Variants in PCAT7 observed in about 807,000 individuals in gnomAD.
PCAT7 encodes prostate cancer associated transcript 7, also known as prostate cancer associated transcript 7 (non-protein coding).
At chr9:94,563,324 TGGACA>T (rs1424756480) in intron 2 of PCAT7, 2 of 1,612,270 alleles carry the variant, frequency 1.2e-6, no homozygotes, top group Non-Finnish European at 1.7e-6. Context: ...GCACAGCCAG[TGGACA>T]AGGGAGAATT....
At chr9:94,564,074 T>C (rs1349759938) in intron 2 of PCAT7, among the ~76,000 whole-genome samples, 1 of 152,146 alleles carries the variant, frequency 6.6e-6, no homozygotes, top group East Asian at 1.9e-4. Flanking sequence ...CAGTAATCAC[T>C]GAAGCAGAAA....
intron 2 of PCAT7, among the ~76,000 whole-genome samples, chr9:94,561,240 G>A (rs906223282): frequency 1.8e-4 from 28 of 151,938 alleles, no homozygotes; most frequent in African/African-American, 6.8e-4. Context: ...TTGTCTTGGA[G>A]CCAAGTTACT....
intron 2 of PCAT7, chr9:94,559,287 A>G: frequency 4.6e-6 from 3 of 649,996 alleles, no homozygotes; most frequent in South Asian, 2.1e-5. Context: ...CGAGCTTTAG[A>G]GCCTACAGCA....
At chr9:94,572,009 G>A (rs1827275182) in intron 2 of PCAT7, among the ~76,000 whole-genome samples, 1 of 152,112 alleles carries the variant, frequency 6.6e-6, no homozygotes, top group Non-Finnish European at 1.5e-5. Context: ...TCACCTCCAT[G>A]GCTCAGAGGG....
At chr9:94,565,307 G>A (rs1273105430) in intron 2 of PCAT7, among the ~76,000 whole-genome samples, 3 of 147,644 alleles carry the variant, frequency 2.0e-5, no homozygotes, top group South Asian at 2.1e-4. Context: ...CCAGGGAGGC[G>A]GAGGTTGCAG....
chr9:94,563,119 A>C (rs1827133584), intron 2 of PCAT7, among the ~76,000 whole-genome samples: 1 of 152,232 alleles, frequency 6.6e-6, no homozygotes, highest in African/African-American at 2.4e-5. Flanking sequence ...GGGTAAGACC[A>C]GTGAGAATCA....
rs1174386595 is a variant in PCAT7, at chr9:94,561,352, A to ATTTTTTTTTTTTT, written n.441+2216_441+2228dup. Among the ~76,000 whole-genome samples, 21 of 54,988 alleles carry ATTTTTTTTTTTTT rather than the reference A, an allele frequency of 3.8e-4. 6 individuals carry two copies. Among genetic ancestry groups the ATTTTTTTTTTTTT allele is most frequent in the African/African-American group, 8.6e-4 (11 of 12,802 alleles). 36.1% of individuals were successfully genotyped at this position (54,988 alleles called of 152,430 possible). ...GCAGGCCATGTGACATGTGACCTGT[A>ATTTTTTTTTTTTT]TTTTTTTTTTTTTTTTTTTTTTTTT... On this transcript the variant is annotated intron_variant and non_coding_transcript_variant, in intron 2 of 8. Transcript: ENST00000647389.
intron 2 of PCAT7, among the ~76,000 whole-genome samples, chr9:94,566,610 C>T (rs1463219884): frequency 1.3e-5 from 2 of 152,214 alleles, no homozygotes; most frequent in Non-Finnish European, 2.9e-5. Context: ...CACTTCACAC[C>T]TCTATATTTC....
intron 2 of PCAT7, among the ~76,000 whole-genome samples, chr9:94,559,359 G>A (rs1313888331): frequency 1.3e-5 from 2 of 152,218 alleles, no homozygotes; most frequent in African/African-American, 4.8e-5. Flanking sequence ...CCAGGTGACT[G>A]AGCCATGTAT....
chr9:94,557,825 G>A (rs1021894898), intron 1 of PCAT7, among the ~76,000 whole-genome samples: 2 of 152,094 alleles, frequency 1.3e-5, no homozygotes, highest in Non-Finnish European at 2.9e-5. Flanking sequence ...TAGCCTCCAG[G>A]TCCATAGATA....
Position 94,569,857 on chromosome 9 carries a change from C to G in PCAT7, n.442-3122C>G, listed in dbSNP as rs1188508696. ...CAGCCCTGCAATCCCACAGACCTCACAGGCTCAGTTTGACCCACCAGGGAA... is the reference window on the plus strand; with the variant it reads ...CAGCCCTGCAATCCCACAGACCTCAGAGGCTCAGTTTGACCCACCAGGGAA... On this transcript the variant is annotated intron_variant and non_coding_transcript_variant, in intron 2 of 8. Transcript: ENST00000647389. 2.6e-5 allele frequency: 4 copies of G among 152,382 alleles called. No individual in the cohort carries two copies. The East Asian group carries it at 7.7e-4, about 29-fold the overall frequency. 9.4% of individuals were successfully genotyped at this position (152,382 alleles called of 1,614,324 possible). A position where few individuals can be genotyped will look rare whatever the true frequency, so the allele number is the denominator to read the frequency against.
chr9:94,556,136 G>A (rs1788401129), intron 1 of PCAT7, among the ~76,000 whole-genome samples: 1 of 150,954 alleles, frequency 6.6e-6, no homozygotes. Flanking sequence ...GAGGAAAACA[G>A]TTTTTGGGTA....
At chr9:94,568,506 A>G (rs1180057453) in intron 2 of PCAT7, 1 of 152,252 alleles carries the variant, frequency 6.6e-6, no homozygotes, top group Non-Finnish European at 1.5e-5. Flanking sequence ...CCTGGAAACC[A>G]GATCCATTTT....
chr9:94,561,056 G>A (rs1827091558), intron 2 of PCAT7, among the ~76,000 whole-genome samples: 1 of 152,044 alleles, frequency 6.6e-6, no homozygotes, highest in Non-Finnish European at 1.5e-5. Context: ...ATGCTGTCCA[G>A]GACAGTCTAG....
At chr9:94,570,343 C>T (rs1225348246) in intron 2 of PCAT7, 3 of 152,220 alleles carry the variant, frequency 2.0e-5, no homozygotes, top group African/African-American at 4.8e-5. Flanking sequence ...AGCATGACTC[C>T]TGACACCAGT....
intron 2 of PCAT7, among the ~76,000 whole-genome samples, chr9:94,566,864 TTTTAA>T (rs765586255): frequency 1.3e-5 from 2 of 152,232 alleles, no homozygotes; most frequent in Non-Finnish European, 2.9e-5. Flanking sequence ...TTCTAATCTC[TTTTAA>T]TTTCATTTTT....
chr9:94,564,365 G>C (rs926401834), intron 2 of PCAT7, among the ~76,000 whole-genome samples: 1 of 152,210 alleles, frequency 6.6e-6, no homozygotes, highest in African/African-American at 2.4e-5. Context: ...GCACATGTAT[G>C]TTCACTGCAA....
rs1174386595 is a variant in PCAT7 at position 94,561,352 on chromosome 9, A to AT, written n.441+2228dup. Among the ~76,000 whole-genome samples the AT allele has an allele frequency of 5.1e-3, 278 of 54,970 alleles. 69 individuals are homozygous for AT. The highest frequency in any genetic ancestry group is 0.015 in the African/African-American group (192 of 12,794). 36.1% of individuals were successfully genotyped at this position (54,970 alleles called of 152,430 possible). A position where few individuals can be genotyped will look rare whatever the true frequency, so the allele number is the denominator to read the frequency against. On this transcript the variant is annotated intron_variant and non_coding_transcript_variant, in intron 2 of 8. Coordinates refer to ENST00000647389, the Ensembl canonical transcript of PCAT7. ...GCAGGCCATGTGACATGTGACCTGT[A>AT]TTTTTTTTTTTTTTTTTTTTTTTTT...
chr9:94,561,901 A>T (rs1827110799), intron 2 of PCAT7, among the ~76,000 whole-genome samples: 1 of 152,220 alleles, frequency 6.6e-6, no homozygotes, highest in African/African-American at 2.4e-5. Context: ...GGACATGAGT[A>T]TGTGATCCCA....
Sources: allele counts gnomAD v4.1 joint callset (sites outside exome capture counted in the v4.1 genomes callset), GRCh38; gene constraint gnomAD v4.1.1; transcripts MANE v1.5; gene names NCBI Gene and HGNC (gene_info 2026-07-23, HGNC 2026-07-21).